The following DOCK2 variants were observed in gnomAD, a reference collection of about 807,000 sequenced individuals.
DOCK2 encodes the protein dedicator of cytokinesis protein 2.
A neutral mutation model predicts 248.9 loss-of-function variants in DOCK2; 87 were observed. The ratio of observed to expected loss-of-function variants is 0.35; its 90% CI spans 0.29 to 0.42. DOCK2 has a LOEUF of 0.42. DOCK2 is among the 10% of genes least tolerant of loss of function. The pLI is 1.00. For missense variants in DOCK2, 1,747 were observed against 2,300.2 expected (o/e 0.76, Z 4.92); for synonymous variants, 805 against 821.6 (o/e 0.98, Z 0.35).
rs67124138 is a variant in DOCK2, at chr5:169,853,804, C to CTTTT, written c.2799+12994_2799+12997dup. Among the ~76,000 whole-genome samples the CTTTT allele has an allele frequency of 2.5e-4, 14 of 56,854 alleles. 1 individual carries two copies. Among genetic ancestry groups the CTTTT allele is most frequent in the Admixed American group, 6.5e-4 (2 of 3,072 alleles). The allele number at this position is 56,854 out of a possible 152,430, so 37.3% of individuals were successfully genotyped here. A position where few individuals can be genotyped will look rare whatever the true frequency, so the allele number is the denominator to read the frequency against. On this transcript the variant is annotated intron_variant, in intron 27 of 51. Transcript: ENST00000520908. ...TTCCTTCTATAATCAGGAAAAACAACTTTTTTTTTTTTTTTTTTTTTTTTT... is the reference window on the plus strand; with the variant it reads ...TTCCTTCTATAATCAGGAAAAACAACTTTTTTTTTTTTTTTTTTTTTTTTTTTTT...
At chr5:169,729,915 C>T (rs1762678012) in intron 22 of DOCK2, among the ~76,000 whole-genome samples, 1 of 152,022 alleles carries the variant, frequency 6.6e-6, no homozygotes, top group Admixed American at 6.6e-5. Context: ...GGGATTACCT[C>T]AGAATGTTAT....
chr5:169,731,106 G>C (rs1762746817), intron 22 of DOCK2, among the ~76,000 whole-genome samples: 1 of 152,122 alleles, frequency 6.6e-6, no homozygotes, highest in Non-Finnish European at 1.5e-5. Context: ...GGCCTCAAGT[G>C]ATCCTCCCAC....
intron 1 of DOCK2, among the ~76,000 whole-genome samples, chr5:169,641,918 AAG>A (rs998623762): frequency 1.3e-5 from 2 of 152,192 alleles, no homozygotes; most frequent in African/African-American, 4.8e-5. Flanking sequence ...CTTTGTAAGA[AAG>A]ACAACCCAAG....
intron 27 of DOCK2, among the ~76,000 whole-genome samples, chr5:169,935,101 A>G (rs1775925943): frequency 6.6e-6 from 1 of 152,228 alleles, no homozygotes; most frequent in Admixed American, 6.5e-5. Context: ...CAGTGAAGAC[A>G]GCGTGGCAAG....
intron 1 of DOCK2, among the ~76,000 whole-genome samples, chr5:169,645,882 G>C (rs888538601): frequency 6.6e-6 from 1 of 152,100 alleles, no homozygotes; most frequent in East Asian, 1.9e-4. Flanking sequence ...CGAGTAGCTG[G>C]GACTACACAG....
intron 33 of DOCK2, among the ~76,000 whole-genome samples, chr5:170,020,820 C>G (rs1201987815): frequency 2.0e-5 from 3 of 152,220 alleles, no homozygotes; most frequent in Non-Finnish European, 4.4e-5. Flanking sequence ...ACTGATCCAA[C>G]AAGATGCTCC....
At chr5:169,869,132 C>T (rs1771779756) in intron 27 of DOCK2, among the ~76,000 whole-genome samples, 1 of 152,230 alleles carries the variant, frequency 6.6e-6, no homozygotes, top group African/African-American at 2.4e-5. Context: ...CCTTTGCCTT[C>T]CCATCTCAGC....
chr5:169,950,408 C>CT (rs2113723958), intron 27 of DOCK2, among the ~76,000 whole-genome samples: 1 of 152,302 alleles, frequency 6.6e-6, no homozygotes, highest in African/African-American at 2.4e-5. Context: ...GCATAACAGT[C>CT]TTTTTGGACT....
chr5:169,832,709 A>G (rs1255425170), intron 26 of DOCK2, among the ~76,000 whole-genome samples: 1 of 152,168 alleles, frequency 6.6e-6, no homozygotes, highest in Non-Finnish European at 1.5e-5. Flanking sequence ...AAAGTTAGAT[A>G]TTTTCTTTCT....
At chr5:169,731,555 AG>A (rs1762769523) in intron 22 of DOCK2, among the ~76,000 whole-genome samples, 1 of 152,172 alleles carries the variant, frequency 6.6e-6, no homozygotes, top group South Asian at 2.1e-4. Context: ...TGTCTTTATC[AG>A]CAACACGAAA....
At chr5:169,728,747 T>C (rs191012607) in intron 22 of DOCK2, among the ~76,000 whole-genome samples, 2 of 152,326 alleles carry the variant, frequency 1.3e-5, no homozygotes, top group East Asian at 3.9e-4. Flanking sequence ...TACATTTGGA[T>C]TGCCTTTTTC....
At chr5:169,728,371 G>A (rs902126481) in intron 22 of DOCK2, among the ~76,000 whole-genome samples, 2 of 152,126 alleles carry the variant, frequency 1.3e-5, no homozygotes, top group African/African-American at 2.4e-5. Flanking sequence ...AGCACAAGGT[G>A]AGTAATACTA....
intron 14 of DOCK2, chr5:169,702,659 C>T (rs1422500332): frequency 1.0e-5 from 4 of 390,158 alleles, no homozygotes; most frequent in Admixed American, 8.6e-5. Flanking sequence ...CCTTTCCTTT[C>T]ACAACTTCTT....
At chr5:169,901,165 G>A (rs1441260159) in intron 27 of DOCK2, among the ~76,000 whole-genome samples, 1 of 152,168 alleles carries the variant, frequency 6.6e-6, no homozygotes, top group Non-Finnish European at 1.5e-5. Flanking sequence ...GATGGTGGGT[G>A]TGATTGAGGT....
intron 6 of DOCK2, among the ~76,000 whole-genome samples, chr5:169,681,417 C>G (rs1267536282): frequency 2.0e-5 from 3 of 151,242 alleles, no homozygotes; most frequent in Non-Finnish European, 4.4e-5. Flanking sequence ...AGTCACCGTA[C>G]CCAGCTAACA....
intron 44 of DOCK2, among the ~76,000 whole-genome samples, chr5:170,065,881 A>G (rs1561905800): frequency 6.6e-6 from 1 of 151,956 alleles, no homozygotes; most frequent in African/African-American, 2.4e-5. Context: ...CAAGAGACTT[A>G]CCTCACCTTT....
intron 25 of DOCK2, among the ~76,000 whole-genome samples, chr5:169,783,834 T>C (rs1353757172): frequency 6.6e-6 from 1 of 152,246 alleles, no homozygotes; most frequent in Non-Finnish European, 1.5e-5. Context: ...TTCTTTCCAA[T>C]AAGCAAGCTT....
intron 27 of DOCK2, among the ~76,000 whole-genome samples, chr5:169,861,871 C>T (rs868492294): frequency 6.6e-6 from 1 of 152,136 alleles, no homozygotes; most frequent in African/African-American, 2.4e-5. Context: ...AGAATCAGTA[C>T]AGCCTTGTTT....
chr5:169,986,284 T>G (rs1389027995), intron 29 of DOCK2, among the ~76,000 whole-genome samples: 4 of 152,242 alleles, frequency 2.6e-5, no homozygotes, highest in Non-Finnish European at 5.9e-5. Flanking sequence ...TAGGAAGCAT[T>G]AAATTAAACA....
Sources: allele counts gnomAD v4.1 joint callset (sites outside exome capture counted in the v4.1 genomes callset), GRCh38; gene constraint gnomAD v4.1.1; transcripts MANE v1.5; gene names NCBI Gene and HGNC (gene_info 2026-07-23, HGNC 2026-07-21).